The following RBM19 variants were observed in gnomAD, a reference collection of about 807,000 sequenced individuals.
The protein encoded by RBM19 is probable RNA-binding protein 19.
In RBM19, 94 loss-of-function variants were observed where a neutral mutation model predicts 116.8. The ratio of observed to expected loss-of-function variants is 0.80; its 90% CI spans 0.68 to 0.95. The LOEUF (loss-of-function observed/expected upper bound fraction) is 0.95, where lower values mean the gene tolerates loss of function less well. RBM19 is among the 40% of genes least tolerant of loss of function. The probability of loss-of-function intolerance (pLI) is 0.00; values close to 1 mark genes in which losing one functional copy is unlikely to be tolerated. For synonymous variants in RBM19, 475 were observed against 494.1 expected, an observed-to-expected ratio of 0.96 and a Z score of 0.51; for missense variants, 1,161 against 1,220.7, an observed-to-expected ratio of 0.95 and a Z score of 0.73.
intron 23 of RBM19, among the ~76,000 whole-genome samples, chr12:113,836,422 C>T (rs1364828584): frequency 6.6e-6 from 1 of 152,060 alleles, no homozygotes; most frequent in African/African-American, 2.4e-5. Context: ...GTTTTGCAAG[C>T]ATCAACTTGC....
At chr12:113,916,121 C>T (rs984417589) in intron 20 of RBM19, among the ~76,000 whole-genome samples, 1 of 152,184 alleles carries the variant, frequency 6.6e-6, no homozygotes, top group African/African-American at 2.4e-5. Flanking sequence ...TAAAATGAAG[C>T]AAAACTAGGC....
At chr12:113,929,411 A>T (rs1467221039) in intron 16 of RBM19, among the ~76,000 whole-genome samples, 1 of 150,488 alleles carries the variant, frequency 6.6e-6, no homozygotes, top group Non-Finnish European at 1.5e-5. Flanking sequence ...CTCAGATACC[A>T]GCACAAAAAG....
intron 23 of RBM19, among the ~76,000 whole-genome samples, chr12:113,836,293 G>A (rs967926226): frequency 3.3e-5 from 5 of 152,164 alleles, no homozygotes; most frequent in African/African-American, 1.2e-4. Flanking sequence ...GGTGGAAAAC[G>A]TCTGTCTTGC....
chr12:113,857,363 C>T (rs938690546), intron 22 of RBM19, among the ~76,000 whole-genome samples: 4 of 152,238 alleles, frequency 2.6e-5, no homozygotes, highest in Non-Finnish European at 5.9e-5. Context: ...GCATCACCTG[C>T]CCTAACCCTG....
intron 21 of RBM19, among the ~76,000 whole-genome samples, chr12:113,908,186 G>C (rs964928535): frequency 6.6e-6 from 1 of 152,178 alleles, no homozygotes; most frequent in Non-Finnish European, 1.5e-5. Context: ...CTGGAGAATG[G>C]GAAGTCTTCC....
intron 23 of RBM19, among the ~76,000 whole-genome samples, chr12:113,824,726 A>G (rs773205802): frequency 6.6e-6 from 1 of 151,944 alleles, no homozygotes; most frequent in Non-Finnish European, 1.5e-5. Flanking sequence ...TTCCTGGGTG[A>G]GCGATTTCAC....
At chr12:113,844,473 C>T (rs973045851) in intron 23 of RBM19, among the ~76,000 whole-genome samples, 195 bp downstream of exon 23, 4 of 152,206 alleles carry the variant, frequency 2.6e-5, no homozygotes, top group African/African-American at 4.8e-5. Context: ...GTAGGCCAGC[C>T]TCCCGGCAGG....
intron 1 of RBM19, among the ~76,000 whole-genome samples, chr12:113,965,808 C>A (rs1662487989): frequency 6.6e-6 from 1 of 152,138 alleles, no homozygotes; most frequent in Admixed American, 6.5e-5. Context: ...CCATGTCTTC[C>A]CCAACAGTTT....
rs140962613 is a variant in RBM19 at position 113,883,614 on chromosome 12, T to A, written c.2559-24718A>T. ...ATAGTGCCTACAGATATTTTTCCCA[T>A]TTTACAGATGAGGAAATCAGGCAGG... On this transcript the variant is annotated intron_variant, in intron 21 of 23. Coordinates refer to ENST00000261741, the MANE Select transcript of RBM19 (RefSeq NM_016196.4). Among the ~76,000 whole-genome samples the A allele has an allele frequency of 3.0e-3, 454 of 152,388 alleles. 5 individuals carry two copies. The highest frequency in any genetic ancestry group is 0.011 in the African/African-American group (439 of 41,586).
At position 113,893,372 on chromosome 12, in the gene RBM19, C is replaced by T. The variant is rs765235336; in HGVS notation, c.2558+21597G>A. Among the ~76,000 whole-genome samples the T allele has an allele frequency of 1.6e-4, 25 of 152,090 alleles. 2 individuals carry two copies. The highest frequency in any genetic ancestry group is 7.9e-4 in the Admixed American group (12 of 15,270). ...CTTGAACTTCTGGGCTCAAGCAATC[C>T]GCCCGCCTTGCCCTCCCAAAAGTGC... On this transcript the variant is annotated intron_variant, in intron 21 of 23. Coordinates refer to ENST00000261741, the MANE Select transcript of RBM19 (RefSeq NM_016196.4).
At position 113,924,734 on chromosome 12, in the gene RBM19, C is replaced by A; in HGVS notation, c.2268G>T (p.Val756=). Residue 756 remains valine, a synonymous_variant, in exon 18 of 24, where the codon GTG becomes GTT. Coordinates refer to ENST00000261741, the MANE Select transcript of RBM19 (RefSeq NM_016196.4). ...TCTTCTTGGAGATGGAGCAGCTCTT[C>A]ACTGTCCCCACTTTTGAAAACACCT... ...LKEVFSKVGT[V]KSCSISKKKN... is the part of the protein sequence containing the mutation. The A allele has an allele frequency of 6.4e-7, 1 of 1,552,256 alleles. No homozygotes were observed. The highest frequency in any genetic ancestry group is 8.9e-7 in the Non-Finnish European group (1 of 1,123,826).
Position 113,957,600 on chromosome 12 carries a change from C to G in RBM19, c.840+182G>C, listed in dbSNP as rs375523068. ...AAATAAAATAAAATAAAAATAAAAACAGAAAAGAAACGCAGAAAGAACACA... is the reference window on the plus strand; with the variant it reads ...AAATAAAATAAAATAAAAATAAAAAGAGAAAAGAAACGCAGAAAGAACACA... On this transcript the variant is annotated intron_variant, in intron 6 of 23. Coordinates refer to ENST00000261741, the MANE Select transcript of RBM19 (RefSeq NM_016196.4). Among the ~76,000 whole-genome samples the G allele has an allele frequency of 5.6e-4, 82 of 146,178 alleles. 1 individual carries two copies. Among genetic ancestry groups the G allele is most frequent in the Middle Eastern group, 3.5e-3 (1 of 284 alleles).
chr12:113,820,876 C>G (rs1441872174), downstream of RBM19, among the ~76,000 whole-genome samples: 1 of 152,222 alleles, frequency 6.6e-6, no homozygotes, highest in African/African-American at 2.4e-5. Context: ...CTACCTTTCA[C>G]TCTCCTGCAG....
chr12:113,893,130 C>G (rs1021229190), intron 21 of RBM19, among the ~76,000 whole-genome samples: 2 of 151,742 alleles, frequency 1.3e-5, no homozygotes, highest in African/African-American at 4.8e-5. Flanking sequence ...CTCCTGGGCT[C>G]AAGCCATCCT....
chr12:113,894,038 G>T (rs745990293), intron 21 of RBM19, among the ~76,000 whole-genome samples: 16 of 152,150 alleles, frequency 1.1e-4, no homozygotes, highest in Non-Finnish European at 8.8e-5. Context: ...CCTTTTCCTG[G>T]TCTGCACCAC....
At chr12:113,947,071 G>C (rs563954271) in intron 11 of RBM19, among the ~76,000 whole-genome samples, 2 of 152,194 alleles carry the variant, frequency 1.3e-5, no homozygotes, top group Non-Finnish European at 2.9e-5. Flanking sequence ...TCCATTCAAG[G>C]AGTATTTTTT....
At chr12:113,853,622 G>A (rs1352847259) in intron 22 of RBM19, among the ~76,000 whole-genome samples, 2 of 152,226 alleles carry the variant, frequency 1.3e-5, no homozygotes, top group African/African-American at 4.8e-5. Flanking sequence ...TAAAGAGAGA[G>A]GAGGTGGCAG....
intron 21 of RBM19, among the ~76,000 whole-genome samples, chr12:113,909,874 T>C (rs1882322265): frequency 1.3e-5 from 2 of 152,316 alleles, no homozygotes; most frequent in African/African-American, 4.8e-5. Flanking sequence ...GGCACTACGC[T>C]AGGCGTCTCA....
intron 23 of RBM19, among the ~76,000 whole-genome samples, chr12:113,841,874 T>G (rs1876513205): frequency 6.6e-6 from 1 of 152,216 alleles, no homozygotes. Context: ...CTGCTACAGT[T>G]GCTGTGAGCA....
Sources: gnomAD v4.1 joint callset for allele counts (sites outside exome capture counted in the v4.1 genomes callset) on GRCh38, gnomAD v4.1.1 for gene constraint, MANE v1.5 for transcripts, NCBI Gene and HGNC (gene_info 2026-07-23, HGNC 2026-07-21) for gene names.